The following SETX variants were observed in gnomAD, a reference collection of about 807,000 sequenced individuals.
The protein encoded by SETX is senataxin.
In SETX, 90 loss-of-function variants were observed where a neutral mutation model predicts 227.2. That is an observed-to-expected ratio of 0.40 (90% CI 0.33 to 0.47). SETX has a LOEUF of 0.47. SETX is among the 20% of genes least tolerant of loss of function. SETX has a pLI of 0.91. For synonymous variants in SETX, 1,210 were observed against 1,113.2 expected (o/e 1.09, Z -1.73); for missense variants, 3,052 against 3,181.5 (o/e 0.96, Z 0.98).
rs1564482221 is a variant in SETX, at chr9:132,281,501, T to A, written c.6620A>T (p.Asp2207Val). The A allele has an allele frequency of 6.2e-7, 1 of 1,613,786 alleles. No homozygotes were observed. Among genetic ancestry groups the A allele is most frequent in the Non-Finnish European group, 8.5e-7 (1 of 1,179,846 alleles). The change falls in exon 20 of 26, where the codon GAT (aspartate) becomes GTT (valine). Residue 2207 changes from aspartate (D) to valine (V), a missense_variant. By Grantham distance (152) the Asp-to-Val change is radical. Coordinates refer to ENST00000224140, the MANE Select transcript of SETX (RefSeq NM_015046.7). ...GACTGTCGGAGGGAGCTGCTTAGGA[T>A]CTCCTACTAGGATGAGCTTATTGCA... ...HRCNKLILVG[D>V]PKQLPPTVIS...
chr9:132,298,263 G>A lies in SETX; in HGVS notation c.5598C>T (p.Asn1866=), dbSNP rs1387453342. The A allele has an allele frequency of 1.2e-6, 2 of 1,613,956 alleles. No homozygotes were observed. The highest frequency in any genetic ancestry group is 1.3e-5 in the African/African-American group (1 of 74,904). Residue 1866 remains asparagine, a synonymous_variant, in exon 13 of 26, where the codon AAC becomes AAT. Coordinates refer to ENST00000224140, the MANE Select transcript of SETX (RefSeq NM_015046.7). ...ECYLSIQTQE[N]FPANLNELVN... is the part of the protein sequence containing the mutation. ...CAAGTTCGTTTAAATTGGCCGGAAA[G>A]TTCTCTTGAGTCTGGATGGAAAGGT... is the stretch of plus-strand genomic sequence containing the variant.
At position 132,331,134 on chromosome 9, in the gene SETX, T is replaced by G; in HGVS notation, c.1016A>C (p.Lys339Thr). 6.2e-7 allele frequency: 1 copy of G among 1,613,336 alleles called. No homozygotes were observed. Among genetic ancestry groups the G allele is most frequent in the South Asian group, 1.1e-5 (1 of 91,042 alleles). Residue 339 changes from lysine (K) to threonine (T), a missense_variant, in exon 9 of 26, where the codon AAG becomes ACG. Physicochemically the swap from Lys to Thr is moderately conservative, Grantham distance 78. Around this residue, in one of 10 missense-constraint regions of SETX, gnomAD observed 239 missense variants for 240.8 expected, o/e 0.99. Coordinates refer to ENST00000224140, the MANE Select transcript of SETX (RefSeq NM_015046.7). ...ATCCAAATAGGACTCCGGTTCTAAC[T>G]TGGTCCTTAAATATTAAGAATAAAT... is the stretch of plus-strand genomic sequence containing the variant. Reference protein sequence around the residue: ...RHIRNSSVRTKLEPESYLDDM... With the variant: ...RHIRNSSVRTTLEPESYLDDM...
intron 24 of SETX, 142 bp from the exon 25 acceptor site, chr9:132,269,844 A>G: frequency 1.2e-6 from 1 of 815,644 alleles, no homozygotes; most frequent in South Asian, 1.4e-5. Context: ...CCCGAGACAC[A>G]GGTGGACTCT....
At chr9:132,339,916 T>C (rs1334003074) in intron 5 of SETX, among the ~76,000 whole-genome samples, 1 of 152,092 alleles carries the variant, frequency 6.6e-6, no homozygotes, top group African/African-American at 2.4e-5. Context: ...TGCCCAGCCA[T>C]ATCTCCGGTA....
chr9:132,351,107 G>C (rs1848581546), intron 2 of SETX, among the ~76,000 whole-genome samples: 1 of 152,172 alleles, frequency 6.6e-6, no homozygotes, highest in Non-Finnish European at 1.5e-5. Flanking sequence ...TTATACCTAA[G>C]AGGCCAACAT....
chr9:132,345,861 A>T (rs1589782466), intron 4 of SETX, among the ~76,000 whole-genome samples: 2 of 152,242 alleles, frequency 1.3e-5, no homozygotes, highest in South Asian at 4.2e-4. Context: ...CAATAAACAC[A>T]ACATAAAATT....
intron 25 of SETX, among the ~76,000 whole-genome samples, chr9:132,267,150 G>C (rs747134526): frequency 6.6e-6 from 1 of 152,224 alleles, no homozygotes; most frequent in Non-Finnish European, 1.5e-5. Flanking sequence ...ATGGTTTCTT[G>C]AATTTGATGA....
chr9:132,319,792 A>C (rs1329173229), intron 10 of SETX, among the ~76,000 whole-genome samples: 1 of 152,200 alleles, frequency 6.6e-6, no homozygotes, highest in Admixed American at 6.5e-5. Context: ...TCTTGTCTGA[A>C]ATTAGCCACA....
chr9:132,273,639 C>A (rs1313372360), intron 23 of SETX, among the ~76,000 whole-genome samples: 1 of 152,134 alleles, frequency 6.6e-6, no homozygotes, highest in Non-Finnish European at 1.5e-5. Flanking sequence ...AAAATATAAT[C>A]AACTTTCACA....
At chr9:132,335,676 G>C (rs552596063) in intron 6 of SETX, among the ~76,000 whole-genome samples, 14 of 152,008 alleles carry the variant, frequency 9.2e-5, no homozygotes, top group African/African-American at 3.4e-4. Flanking sequence ...TGAAAAAGGA[G>C]TATTAACAAT....
chr9:132,293,612 G>A (rs1330115356), intron 15 of SETX, among the ~76,000 whole-genome samples: 1 of 152,112 alleles, frequency 6.6e-6, no homozygotes, highest in Admixed American at 6.5e-5. Context: ...TAGGGACAGA[G>A]TTTCACCATG....
intron 10 of SETX, among the ~76,000 whole-genome samples, chr9:132,317,398 A>C (rs1846037095): frequency 6.6e-6 from 1 of 152,208 alleles, no homozygotes. Context: ...TGTATCACTG[A>C]ATATCTGTAG....
In SETX at chr9:132,328,843, C is replaced by G. The variant is rs561190371; in HGVS notation, c.2755G>C (p.Val919Leu). 2.2e-4 allele frequency: 348 copies of G among 1,613,488 alleles called. No homozygotes were observed. Among genetic ancestry groups the G allele is most frequent in the Non-Finnish European group, 2.9e-4 (339 of 1,179,834 alleles). Residue 919 changes from valine (V) to leucine (L), a missense_variant, in exon 10 of 26, where the codon GTA becomes CTA. Transcript: ENST00000224140. ...ATCTCCTCATCTCTTGATTCAGGTA[C>G]AGTCATAAGATCTTTAAAGGGAGAT... ...KSSPFKDLMT[V>L]PESRDEEMSN...
At chr9:132,351,568 G>A (rs532808971) in intron 2 of SETX, among the ~76,000 whole-genome samples, 1 of 152,186 alleles carries the variant, frequency 6.6e-6, no homozygotes, top group Non-Finnish European at 1.5e-5. Context: ...GAAGATAACG[G>A]AGAATACTGC....
chr9:132,278,157 A>G lies in SETX; in HGVS notation c.6755T>C (p.Leu2252Pro). Residue 2252 changes from leucine (L) to proline (P), a missense_variant, in exon 21 of 26, where the codon CTA becomes CCA. Coordinates refer to ENST00000224140, the MANE Select transcript of SETX (RefSeq NM_015046.7). ...CATCCTGTACTGAACAGTGAGCTGT[A>G]GAATGGGCAGCCTGCTGATCATGTT... The part of the protein sequence containing the change: ...EHNMISRLPI[L>P]QLTVQYRMHP... 6.2e-7 allele frequency: 1 copy of G among 1,614,218 alleles called. No homozygotes were observed. Among genetic ancestry groups the G allele is most frequent in the Non-Finnish European group, 8.5e-7 (1 of 1,180,026 alleles).
chr9:132,352,717 T>G (rs1004508134), intron 2 of SETX, among the ~76,000 whole-genome samples: 4 of 152,226 alleles, frequency 2.6e-5, no homozygotes, highest in African/African-American at 9.6e-5. Flanking sequence ...TCCAGATATA[T>G]TCAATATCCA....
chr9:132,326,238 T>C, intron 10 of SETX, 86 bp downstream of exon 10: 1 of 1,092,270 alleles, frequency 9.2e-7, no homozygotes, highest in Non-Finnish European at 1.4e-6. Flanking sequence ...GGCTGATTTT[T>C]TGAACTATAC....
intron 23 of SETX, among the ~76,000 whole-genome samples, chr9:132,272,975 G>A (rs1842971357): frequency 6.6e-6 from 1 of 152,118 alleles, no homozygotes; most frequent in Non-Finnish European, 1.5e-5. Context: ...GCTGGGCATG[G>A]TAGCTCATGT....
intron 11 of SETX, among the ~76,000 whole-genome samples, chr9:132,302,660 C>CAAAAAAAAAAAAAAAAAAAA (rs35647306): frequency 3.0e-5 from 1 of 33,304 alleles, no homozygotes; most frequent in Non-Finnish European, 6.6e-5. Flanking sequence ...GACTTTGTCT[C>CAAAAAAAAAAAAAAAAAAAA]AAAAAAAAAA....
Sources: allele counts gnomAD v4.1 joint callset (sites outside exome capture counted in the v4.1 genomes callset), GRCh38; gene constraint gnomAD v4.1.1; regional missense constraint gnomAD v4.1.1; transcripts MANE v1.5; gene names NCBI Gene and HGNC (gene_info 2026-07-23, HGNC 2026-07-21).